The following GRM8 variants were observed in gnomAD, a reference collection of about 807,000 sequenced individuals.
GRM8 encodes the protein glutamate metabotropic receptor 8.
Under a neutral mutation model 87.2 loss-of-function variants are expected in GRM8, and 47 were observed. The ratio of observed to expected loss-of-function variants is 0.54; its 90% CI spans 0.43 to 0.69. GRM8 has a LOEUF of 0.69. Among genes scored for constraint, GRM8 ranks in the 30% least tolerant of loss-of-function variants. The pLI, the probability that GRM8 is intolerant of heterozygous loss-of-function variation, is 0.00. For missense variants in GRM8, 1,019 were observed against 1,139.2 expected, an observed-to-expected ratio of 0.89 and a Z score of 1.52; for synonymous variants, 396 against 404.5, an observed-to-expected ratio of 0.98 and a Z score of 0.25.
intron 3 of GRM8, among the ~76,000 whole-genome samples, chr7:127,059,568 C>A (rs1186055365): frequency 2.6e-5 from 4 of 152,102 alleles, no homozygotes; most frequent in Non-Finnish European, 5.9e-5. Flanking sequence ...AACTCCTGAC[C>A]TTGTGATTGC....
chr7:127,079,119 TTTTC>T (rs760352947), intron 3 of GRM8, among the ~76,000 whole-genome samples: 4 of 152,118 alleles, frequency 2.6e-5, no homozygotes, highest in East Asian at 1.9e-4. Context: ...TGTGTTTCTT[TTTTC>T]TTTCTTTCTT....
chr7:126,816,548 T>C (rs1052614570), intron 6 of GRM8, among the ~76,000 whole-genome samples: 3 of 152,056 alleles, frequency 2.0e-5, no homozygotes, highest in African/African-American at 7.2e-5. Flanking sequence ...ATTGTTAATA[T>C]CTCTAAGTCC....
chr7:126,690,753 C>T lies in GRM8; in HGVS notation c.1357+79112G>A, dbSNP rs1164121241. Reference sequence around the variant, plus strand: ...AGGCAAAGGGTGCTTTACTAAACAACTCAGAGGAGACCTGCAGTGGGTAGC... The same window carrying T: ...AGGCAAAGGGTGCTTTACTAAACAATTCAGAGGAGACCTGCAGTGGGTAGC... On this transcript the variant is annotated intron_variant, in intron 7 of 10. Coordinates refer to ENST00000339582, the MANE Select transcript of GRM8 (RefSeq NM_000845.3). Among the ~76,000 whole-genome samples, 4 of 152,262 alleles carry T rather than the reference C, an allele frequency of 2.6e-5. No individual in the cohort carries two copies. In the East Asian group the frequency reaches 7.8e-4, roughly 30 times the overall value.
At chr7:127,210,389 G>C (rs2116625632) in intron 2 of GRM8, among the ~76,000 whole-genome samples, 1 of 152,268 alleles carries the variant, frequency 6.6e-6, no homozygotes, top group East Asian at 1.9e-4. Context: ...TGGCTAAAAA[G>C]GTTTTGGCTC....
In GRM8 at chr7:127,252,855, AGCGCCG is replaced by A; in HGVS notation, c.-376_-371del. ...CGCCGGGGGCCCGCAGCTCCATGTCAGCGCCGCCGCCGCCGCCGCCGCCGCCGCGTG... is the reference window on the plus strand; with the variant it reads ...CGCCGGGGGCCCGCAGCTCCATGTCACCGCCGCCGCCGCCGCCGCCGCGTG... On this transcript the variant is annotated 5_prime_UTR_variant, in exon 1 of 11. Transcript: ENST00000339582. This position sits in a 1 kb window ranked among gnomAD's most constrained non-coding sequence, Gnocchi z 4.9. 4.6e-6 allele frequency: 1 copy of A among 219,114 alleles called. No individual in the cohort carries two copies. Among genetic ancestry groups the A allele is most frequent in the Non-Finnish European group, 8.7e-6 (1 of 114,902 alleles). 13.6% of individuals were successfully genotyped at this position (219,114 alleles called of 1,614,324 possible).
At chr7:126,996,862 A>G (rs1813224679) in intron 3 of GRM8, among the ~76,000 whole-genome samples, 2 of 152,004 alleles carry the variant, frequency 1.3e-5, no homozygotes, top group Non-Finnish European at 2.9e-5. Flanking sequence ...TCAACATCCC[A>G]CTTTCAACAT....
At chr7:126,843,123 T>C (rs1305688112) in intron 6 of GRM8, among the ~76,000 whole-genome samples, 3 of 152,186 alleles carry the variant, frequency 2.0e-5, no homozygotes, top group Admixed American at 6.5e-5. Flanking sequence ...CCATAACACA[T>C]AATGATTGAC....
rs1807782587 is a variant in GRM8, at chr7:126,683,052, A to AAAAAC, written c.1358-73559_1358-73555dup. On this transcript the variant is annotated intron_variant, in intron 7 of 10. Transcript: ENST00000339582. ...CGACAGAGCAAGAATCTGTCTCAAA[A>AAAAAC]AAAACAAAACAAAACAAAAAAAAGT... is the stretch of plus-strand genomic sequence containing the variant. Among the ~76,000 whole-genome samples the AAAAAC allele has an allele frequency of 3.3e-5, 5 of 152,316 alleles. No individual in the cohort carries two copies. The South Asian group carries it at 1.0e-3, about 32-fold the overall frequency.
At chr7:126,562,015 A>G (rs192801260) in intron 8 of GRM8, among the ~76,000 whole-genome samples, 2 of 152,272 alleles carry the variant, frequency 1.3e-5, no homozygotes, top group East Asian at 3.9e-4. Flanking sequence ...GGGAATGTGA[A>G]TATAGGGCAT....
At chr7:126,788,420 A>ACAAAACAAAAAAAAC (rs1554492200) in intron 6 of GRM8, among the ~76,000 whole-genome samples, 1 of 81,138 alleles carries the variant, frequency 1.2e-5, no homozygotes, top group African/African-American at 4.6e-5. Flanking sequence ...AAAAAAAAAA[A>ACAAAACAAAAAAAAC]AAACCCTTTC....
chr7:127,159,999 A>C (rs1384385823), intron 2 of GRM8, among the ~76,000 whole-genome samples: 1 of 152,198 alleles, frequency 6.6e-6, no homozygotes, highest in African/African-American at 2.4e-5. Flanking sequence ...AAATACTGTA[A>C]TGGAATGTAA....
intron 6 of GRM8, among the ~76,000 whole-genome samples, chr7:126,825,895 A>AGAGT (rs1435108731): frequency 2.6e-5 from 2 of 77,958 alleles, no homozygotes; most frequent in Non-Finnish European, 4.7e-5. Flanking sequence ...AACAGTCCCC[A>AGAGT]GAGTGTGATG....
chr7:126,811,784 T>C lies in GRM8; in HGVS notation c.1157-41719A>G, dbSNP rs529051114. Among the ~76,000 whole-genome samples the C allele has an allele frequency of 3.3e-5, 5 of 152,206 alleles. No homozygotes were observed. The South Asian group carries it at 1.0e-3, about 32-fold the overall frequency. ...GGTAGAGTCTTCAGGGTTTTCTAGA[T>C]GTAAGATTATATCATCAGTGAATAG... is the stretch of plus-strand genomic sequence containing the variant. On this transcript the variant is annotated intron_variant, in intron 6 of 10. Coordinates refer to ENST00000339582, the MANE Select transcript of GRM8 (RefSeq NM_000845.3).
At chr7:126,547,063 G>A (rs948212598) in intron 8 of GRM8, among the ~76,000 whole-genome samples, 1 of 152,152 alleles carries the variant, frequency 6.6e-6, no homozygotes, top group African/African-American at 2.4e-5. Flanking sequence ...CAAGGGATCT[G>A]AAGATTCATC....
chr7:126,687,865 G>A (rs1250475216), intron 7 of GRM8, among the ~76,000 whole-genome samples: 2 of 151,296 alleles, frequency 1.3e-5, no homozygotes, highest in Non-Finnish European at 2.9e-5. Flanking sequence ...CCATATTACT[G>A]GACCTAACTT....
chr7:127,048,952 A>T (rs1036800044), intron 3 of GRM8, among the ~76,000 whole-genome samples: 3 of 152,146 alleles, frequency 2.0e-5, no homozygotes, highest in Admixed American at 2.0e-4. Context: ...GTTTTCACGT[A>T]TTAGATTTGC....
intron 7 of GRM8, among the ~76,000 whole-genome samples, chr7:126,633,812 T>A (rs1801591837): frequency 6.6e-6 from 1 of 151,826 alleles, no homozygotes; most frequent in Non-Finnish European, 1.5e-5. Context: ...ACCATATAAA[T>A]AACTATTTGG....
chr7:127,188,713 T>C (rs1217713433), intron 2 of GRM8, among the ~76,000 whole-genome samples: 1 of 152,206 alleles, frequency 6.6e-6, no homozygotes, highest in African/African-American at 2.4e-5. Flanking sequence ...GCTTATCAAA[T>C]AGCAAGCAAA....
intron 7 of GRM8, among the ~76,000 whole-genome samples, chr7:126,673,478 A>T (rs904535854): frequency 1.3e-5 from 2 of 152,222 alleles, no homozygotes; most frequent in African/African-American, 4.8e-5. Flanking sequence ...ATGTTGCCTC[A>T]CTAGAAATAG....
Sources: allele counts gnomAD v4.1 joint callset (sites outside exome capture counted in the v4.1 genomes callset), GRCh38; gene constraint gnomAD v4.1.1; non-coding constraint Gnocchi (gnomAD v3.1); transcripts MANE v1.5; gene names NCBI Gene and HGNC (gene_info 2026-07-23, HGNC 2026-07-21).